HIP1: variants seen among roughly 807,000 people sequenced by gnomAD.
HIP1 encodes huntingtin-interacting protein 1.
A neutral mutation model predicts 147.6 loss-of-function variants in HIP1; 65 were observed. The observed-to-expected ratio is 0.44, with a 90% CI of 0.36 to 0.54. The LOEUF (loss-of-function observed/expected upper bound fraction) is 0.54, where lower values mean the gene tolerates loss of function less well. Among genes scored for constraint, HIP1 ranks in the 20% least tolerant of loss-of-function variants. The probability of loss-of-function intolerance (pLI) is 0.00; values close to 1 mark genes in which losing one functional copy is unlikely to be tolerated. For missense variants in HIP1, 1,061 were observed against 1,299.6 expected (o/e 0.82, Z 2.82); for synonymous variants, 479 against 504.0 (o/e 0.95, Z 0.67).
intron 14 of HIP1, among the ~76,000 whole-genome samples, chr7:75,559,401 C>A (rs1484817680): frequency 6.6e-6 from 1 of 152,192 alleles, no homozygotes; most frequent in East Asian, 1.9e-4. Flanking sequence ...CAGGCATGTG[C>A]CACTGTGCCC....
chr7:75,589,055 C>T (rs1242573895), intron 4 of HIP1, among the ~76,000 whole-genome samples: 2 of 150,666 alleles, frequency 1.3e-5, no homozygotes, highest in East Asian at 2.0e-4. Flanking sequence ...GAGGCTGAGA[C>T]AGGAGAATCA....
chr7:75,563,800 C>T (rs781892859), intron 9 of HIP1, among the ~76,000 whole-genome samples: 5 of 152,182 alleles, frequency 3.3e-5, no homozygotes, highest in Non-Finnish European at 5.9e-5. Context: ...ACAGGGCAGC[C>T]GTTCAATAAA....
At chr7:75,671,878 C>T (rs1218663749) in intron 1 of HIP1, among the ~76,000 whole-genome samples, 5 of 151,968 alleles carry the variant, frequency 3.3e-5, no homozygotes, top group Non-Finnish European at 5.9e-5. Flanking sequence ...GGGATTACAG[C>T]TACGCGTCAC....
At chr7:75,635,926 G>A (rs1798409640) in intron 1 of HIP1, among the ~76,000 whole-genome samples, 1 of 150,740 alleles carries the variant, frequency 6.6e-6, no homozygotes, top group Non-Finnish European at 1.5e-5. Context: ...AGGAGGCTGA[G>A]GTAGGGAGGA....
At chr7:75,562,843 G>T in intron 11 of HIP1, 92 bp downstream of exon 11, 2 of 1,326,702 alleles carry the variant, frequency 1.5e-6, no homozygotes, top group Non-Finnish European at 2.1e-6. Flanking sequence ...CCTGGTTAGA[G>T]TCAATGGGCT....
rs1371447965 is a variant in HIP1 at position 75,546,955 on chromosome 7, A to G, written c.2543T>C (p.Ile848Thr). Residue 848 changes from isoleucine (I) to threonine (T), a missense_variant, in exon 25 of 31, where the codon ATT becomes ACT. Around this residue, in one of 3 missense-constraint regions of HIP1, gnomAD observed 810 missense variants for 946.8 expected, o/e 0.86. Coordinates refer to ENST00000336926, the MANE Select transcript of HIP1 (RefSeq NM_005338.7). ...CACGCTCACCCTGCCGCTCTCCACA[A>G]TCTCTCTCTGGAGGTCCTTAGAGGC... ...IVASKDLQRE[I>T]VESGRGTASP... is the part of the protein sequence containing the mutation. The G allele has an allele frequency of 3.6e-5, 56 of 1,574,520 alleles. No homozygotes were observed. Among genetic ancestry groups the G allele is most frequent in the East Asian group, 4.6e-5 (2 of 43,616 alleles).
chr7:75,581,944 A>G, intron 6 of HIP1, 131 bp downstream of exon 6: 1 of 687,488 alleles, frequency 1.5e-6, no homozygotes, highest in Non-Finnish European at 2.5e-6. Flanking sequence ...CCCAAGGCCA[A>G]GTCACCCAGG....
intron 1 of HIP1, among the ~76,000 whole-genome samples, chr7:75,683,060 G>A (rs1295821502): frequency 6.6e-6 from 1 of 151,910 alleles, no homozygotes; most frequent in East Asian, 1.9e-4. Flanking sequence ...TCGGCTCACT[G>A]CAAACTCCGC....
intron 1 of HIP1, among the ~76,000 whole-genome samples, chr7:75,634,240 A>G (rs1326192083): frequency 6.6e-6 from 1 of 151,482 alleles, no homozygotes. Context: ...AGCCTTGACA[A>G]CAGAGTGAGA....
chr7:75,618,282 G>T (rs1332878537), intron 1 of HIP1, among the ~76,000 whole-genome samples: 3 of 152,140 alleles, frequency 2.0e-5, no homozygotes, highest in Non-Finnish European at 4.4e-5. Flanking sequence ...CTCCCGAGTG[G>T]CTGGGATTAC....
intron 5 of HIP1, among the ~76,000 whole-genome samples, chr7:75,586,022 C>G (rs1261338781): frequency 2.0e-5 from 3 of 151,718 alleles, no homozygotes; most frequent in Non-Finnish European, 4.4e-5. Flanking sequence ...TGCTATGGCC[C>G]AGGCTGGTCT....
intron 1 of HIP1, among the ~76,000 whole-genome samples, chr7:75,656,622 C>T (rs1799149603): frequency 6.6e-6 from 1 of 152,124 alleles, no homozygotes; most frequent in South Asian, 2.1e-4. Context: ...GGACTACAGG[C>T]GTGTGCCACC....
At chr7:75,647,323 A>C (rs1383701238) in intron 1 of HIP1, among the ~76,000 whole-genome samples, 2 of 150,198 alleles carry the variant, frequency 1.3e-5, no homozygotes, top group Non-Finnish European at 3.0e-5. Flanking sequence ...GCTTGAACCC[A>C]GGAAGCAAAA....
At chr7:75,571,218 T>G (rs1795619950) in intron 8 of HIP1, among the ~76,000 whole-genome samples, 1 of 152,120 alleles carries the variant, frequency 6.6e-6, no homozygotes, top group South Asian at 2.1e-4. Context: ...TGCACCACCA[T>G]GCCCAGCTTA....
intron 1 of HIP1, among the ~76,000 whole-genome samples, chr7:75,669,497 G>A (rs1799672831): frequency 6.6e-6 from 1 of 152,140 alleles, no homozygotes; most frequent in African/African-American, 2.4e-5. Context: ...GGGAGGCAGA[G>A]GTTGCAGTCA....
At chr7:75,649,069 GGCT>G (rs1798894556) in intron 1 of HIP1, among the ~76,000 whole-genome samples, 1 of 152,020 alleles carries the variant, frequency 6.6e-6, no homozygotes, top group Non-Finnish European at 1.5e-5. Context: ...TTGTTACCCA[GGCT>G]GGAGTGCAAT....
chr7:75,538,826 G>A (rs373663138), intron 30 of HIP1, among the ~76,000 whole-genome samples: 1 of 151,752 alleles, frequency 6.6e-6, no homozygotes, highest in Non-Finnish European at 1.5e-5. Context: ...CGCCCGCCTC[G>A]GCCTCCCAAA....
chr7:75,616,085 C>CAAAAAAAAAAAAAAAAAAAAAAAAAA (rs71098042), intron 1 of HIP1, among the ~76,000 whole-genome samples: 2 of 35,320 alleles, frequency 5.7e-5, no homozygotes, highest in African/African-American at 1.2e-4. Flanking sequence ...GACTCTGTCT[C>CAAAAAAAAAAAAAAAAAAAAAAAAAA]AAAAAAAAAA....
intron 29 of HIP1, among the ~76,000 whole-genome samples, chr7:75,539,880 A>G (rs1292508205): frequency 1.3e-5 from 2 of 152,194 alleles, no homozygotes; most frequent in East Asian, 3.8e-4. Context: ...AGAAATCACT[A>G]TCTAAAAACA....
Sources: allele counts gnomAD v4.1 joint callset (sites outside exome capture counted in the v4.1 genomes callset), GRCh38; gene constraint gnomAD v4.1.1; regional missense constraint gnomAD v4.1.1; transcripts MANE v1.5; gene names NCBI Gene and HGNC (gene_info 2026-07-23, HGNC 2026-07-21).